The following TENM1 variants were observed in gnomAD, a reference collection of about 807,000 sequenced individuals.
TENM1 encodes the protein teneurin-1.
Under a neutral mutation model 174.8 loss-of-function variants are expected in TENM1, and 35 were observed. That is an observed-to-expected ratio of 0.20 (90% confidence interval 0.15 to 0.27). The LOEUF (loss-of-function observed/expected upper bound fraction) is 0.27. Ranked by LOEUF, TENM1 falls within the 10% of genes least tolerant of loss-of-function variation. The probability of loss-of-function intolerance (pLI) is 1.00; values close to 1 mark genes in which losing one functional copy is unlikely to be tolerated. For missense variants in TENM1, 1,633 were observed against 2,130.1 expected (o/e 0.77, Z 4.59); for synonymous variants, 781 against 798.7 (o/e 0.98, Z 0.37).
chrX:124,647,630 G>A (rs2051192161), intron 8 of TENM1, among the ~76,000 whole-genome samples: 1 of 111,289 alleles, frequency 9.0e-6, no homozygotes, highest in African/African-American at 3.3e-5. Flanking sequence ...GTGAAAAAAT[G>A]TTTGTATTTT....
At chrX:124,937,898 GCTT>G (rs1195499548) in intron 1 of TENM1, among the ~76,000 whole-genome samples, 11 of 111,646 alleles carry the variant, frequency 9.9e-5, no homozygotes, top group Admixed American at 4.8e-4. Flanking sequence ...TATTATTACA[GCTT>G]CTTTTTATTT....
Position 124,503,547 on chromosome X carries a change from A to C in TENM1, c.3445+13T>G. On this transcript the variant is annotated intron_variant, in intron 19 of 31. Transcript: ENST00000422452. ...GGAAAGTAGTATTCATACAAATTTA[A>C]AAAGCTACTTACCACTTTGAGGATT... is the stretch of plus-strand genomic sequence containing the variant. 8.4e-7 allele frequency: 1 copy of C among 1,190,376 alleles called. No individual in the cohort carries two copies. The highest frequency in any genetic ancestry group is 1.8e-5 in the African/African-American group (1 of 56,668).
At chrX:124,641,397 G>C (rs1184964001) in intron 11 of TENM1, among the ~76,000 whole-genome samples, 1 of 111,835 alleles carries the variant, frequency 8.9e-6, no homozygotes, top group African/African-American at 3.3e-5. Flanking sequence ...AGAGTTCCTG[G>C]GCTAAGTTGT....
At chrX:125,042,590 T>C in the TENM1 span, among the ~76,000 whole-genome samples, 2 of 111,564 alleles carry the variant, frequency 1.8e-5, no homozygotes, top group African/African-American at 3.3e-5. Context: ...AATTTTATTT[T>C]AGCATGGACC....
At chrX:124,613,345 G>A (rs1198930818) in intron 11 of TENM1, among the ~76,000 whole-genome samples, 3 of 111,149 alleles carry the variant, frequency 2.7e-5, no homozygotes, top group African/African-American at 9.8e-5. Context: ...AGGGACAACT[G>A]CTGATCGCAT....
chrX:124,768,869 G>A (rs1257244223), intron 3 of TENM1, among the ~76,000 whole-genome samples: 1 of 112,242 alleles, frequency 8.9e-6, no homozygotes, highest in East Asian at 2.8e-4. Flanking sequence ...GAATCTAAAT[G>A]TTGTCCATTG....
At chrX:124,786,819 T>C (rs866903664) in intron 3 of TENM1, among the ~76,000 whole-genome samples, 2 of 111,406 alleles carry the variant, frequency 1.8e-5, no homozygotes, top group South Asian at 3.8e-4. Flanking sequence ...CTATCCATGA[T>C]AAGGCAAAAA....
chrX:125,083,445 C>T, the TENM1 span, among the ~76,000 whole-genome samples: 2 of 110,254 alleles, frequency 1.8e-5, no homozygotes, highest in Non-Finnish European at 3.8e-5. Context: ...CCCTGCTCCT[C>T]TATTACCCAT....
intron 22 of TENM1, among the ~76,000 whole-genome samples, chrX:124,466,783 C>T (rs1382419428): frequency 9.0e-6 from 1 of 111,069 alleles, no homozygotes; most frequent in Non-Finnish European, 1.9e-5. Flanking sequence ...GAGATCTTGC[C>T]CCAATTCATT....
intron 3 of TENM1, among the ~76,000 whole-genome samples, chrX:124,803,875 G>A (rs764580301): frequency 8.9e-6 from 1 of 112,264 alleles, no homozygotes. Context: ...CCTCATATGT[G>A]GCATTGTGCA....
intron 27 of TENM1, among the ~76,000 whole-genome samples, chrX:124,398,831 T>C (rs1478825343): frequency 4.5e-5 from 5 of 111,186 alleles, no homozygotes; most frequent in Non-Finnish European, 9.4e-5. Context: ...TTTACGTCAA[T>C]TTAACATCCC....
intron 3 of TENM1, among the ~76,000 whole-genome samples, chrX:124,881,735 GT>G (rs373202849): frequency 4.9e-4 from 47 of 96,670 alleles, no homozygotes; most frequent in African/African-American, 7.9e-4. Context: ...GTTTTGTTTT[GT>G]TTTTTTTTTT....
Position 124,497,065 on chromosome X carries a change from C to T in TENM1, c.3646G>A (p.Val1216Ile), listed in dbSNP as rs137882910. ...TTTCCCGAGGGAAATATTCTCCTTA[C>T]AAAATTGAAGTCGCCAACATACACA... The change falls in exon 20 of 32, where the codon GTA (valine) becomes ATA (isoleucine). Residue 1216 changes from valine to isoleucine, a missense_variant. This residue lies in a region of TENM1 where 449 missense variants were observed against 636.2 expected (regional missense o/e 0.71). Transcript: ENST00000422452. The T allele has an allele frequency of 2.0e-4, 236 of 1,208,232 alleles. No individual in the cohort carries two copies. The African/African-American group carries it at 3.8e-3, about 19-fold the overall frequency.
intron 3 of TENM1, among the ~76,000 whole-genome samples, chrX:124,781,746 T>C (rs972685599): frequency 2.6e-4 from 29 of 111,327 alleles, no homozygotes; most frequent in Admixed American, 2.6e-3. Context: ...AGGACCTGAC[T>C]ATCTCTCACT....
chrX:124,826,828 G>A (rs1007228439), intron 3 of TENM1, among the ~76,000 whole-genome samples: 96 of 111,647 alleles, frequency 8.6e-4, no homozygotes, highest in African/African-American at 2.7e-3. Flanking sequence ...GACATCAACA[G>A]TTTAGAATCT....
chrX:125,141,888 G>C, the TENM1 span, among the ~76,000 whole-genome samples: 1 of 111,027 alleles, frequency 9.0e-6, no homozygotes, highest in African/African-American at 3.3e-5. Flanking sequence ...AGCCAGATTA[G>C]GGTTCAGAAC....
chrX:124,664,852 A>C (rs1030401048), intron 6 of TENM1, among the ~76,000 whole-genome samples: 2 of 110,891 alleles, frequency 1.8e-5, no homozygotes, highest in African/African-American at 6.6e-5. Context: ...TTTAATCAAG[A>C]TAGCCGTTAT....
chrX:124,952,797 G>C (rs1344040266), intron 1 of TENM1, among the ~76,000 whole-genome samples: 2 of 111,144 alleles, frequency 1.8e-5, no homozygotes, highest in African/African-American at 6.5e-5. Context: ...AGACACAAAG[G>C]GTCATTTCCT....
At chrX:124,682,170 A>G (rs1569388366) in intron 5 of TENM1, among the ~76,000 whole-genome samples, 1 of 111,716 alleles carries the variant, frequency 9.0e-6, no homozygotes, top group East Asian at 2.8e-4. Context: ...CCAAAGCTGC[A>G]AATTTCTTTA....
Sources: gnomAD v4.1 joint callset for allele counts (sites outside exome capture counted in the v4.1 genomes callset) on GRCh38, gnomAD v4.1.1 for gene constraint, gnomAD v4.1.1 regional missense constraint, MANE v1.5 for transcripts, NCBI Gene and HGNC (gene_info 2026-07-23, HGNC 2026-07-21) for gene names.